ZFHX4: variants seen among roughly 807,000 people sequenced by gnomAD.
ZFHX4 encodes the protein zinc finger homeobox 4.
In ZFHX4, 56 loss-of-function variants were observed where a neutral mutation model predicts 267.6. That is an observed-to-expected ratio of 0.21 (90% CI 0.17 to 0.26). ZFHX4 has a LOEUF of 0.26. Ranked by LOEUF, ZFHX4 falls within the 10% of genes least tolerant of loss-of-function variation. The pLI is 1.00. For synonymous variants in ZFHX4, 1,778 were observed against 1,665.6 expected (o/e 1.07, Z -1.64); for missense variants, 4,332 against 4,420.0 (o/e 0.98, Z 0.56).
chr8:76,707,908 G>A lies in ZFHX4; in HGVS notation c.2953G>A (p.Glu985Lys), dbSNP rs767466455. 2 of 1,614,082 alleles carry A rather than the reference G, an allele frequency of 1.2e-6. No individual in the cohort carries two copies. The highest frequency in any genetic ancestry group is 2.2e-5 in the East Asian group (1 of 44,886). ...AHIKEGGKSN[E>K]WRLKCIAIGN... ...CATTAAAGAAGGGGGCAAAAGCAAT[G>A]AGTGGAGGTTGAAGTGTATTGCCAT... is the stretch of plus-strand genomic sequence containing the variant. The change falls in exon 3 of 11, where the codon GAG becomes AAG. Residue 985 changes from glutamate to lysine, a missense_variant. Transcript: ENST00000651372.
chr8:76,706,452 C>G lies in ZFHX4; in HGVS notation c.2364C>G (p.Ser788Arg). 1 of 1,614,080 alleles carries G rather than the reference C, an allele frequency of 6.2e-7. No individual in the cohort carries two copies. Among genetic ancestry groups the G allele is most frequent in the Non-Finnish European group, 8.5e-7 (1 of 1,179,970 alleles). The change falls in exon 2 of 11, where the codon AGC becomes AGG. Residue 788 changes from serine to arginine, a missense_variant. Physicochemically the swap from Ser to Arg is moderately radical, Grantham distance 110. Around this residue, in one of 7 missense-constraint regions of ZFHX4, gnomAD observed 1,195 missense variants for 1,173.6 expected, o/e 1.02. Transcript: ENST00000651372. The part of the protein sequence containing the change: ...VARNLRIHMT[S>R]EKHMHNMMLL... ...GGAACCTCCGAATTCATATGACCAG[C>G]GAAAAGCACATGCATAATATGATGC...
intron 3 of ZFHX4, among the ~76,000 whole-genome samples, chr8:76,716,684 C>G (rs947590766): frequency 2.0e-5 from 3 of 152,086 alleles, no homozygotes; most frequent in Admixed American, 6.5e-5. Flanking sequence ...TAAGAGCTGG[C>G]TGGTAGGTTT....
chr8:76,771,654 G>A (rs1810267058), intron 3 of ZFHX4, among the ~76,000 whole-genome samples: 1 of 151,984 alleles, frequency 6.6e-6, no homozygotes, highest in South Asian at 2.1e-4. Flanking sequence ...TGTCCAGGCT[G>A]GACTCAAACT....
In ZFHX4 at chr8:76,852,178, G is replaced by C. The variant is rs1446972442; in HGVS notation, c.5257G>C (p.Asp1753His). Residue 1753 changes from aspartate to histidine, a missense_variant, in exon 10 of 11, where the codon GAT (aspartate) becomes CAT (histidine). Transcript: ENST00000651372. ...IPGTEFSLGPDLGLPGSATFG... is the reference protein window; with the variant it reads ...IPGTEFSLGPHLGLPGSATFG... ...TGGGACGGAGTTCAGCTTGGGGCCA[G>C]ATTTGGGCTTGCCAGGCTCTGCCAC... The C allele has an allele frequency of 1.2e-6, 2 of 1,613,914 alleles. No individual in the cohort carries two copies. Among genetic ancestry groups the C allele is most frequent in the Non-Finnish European group, 1.7e-6 (2 of 1,179,862 alleles).
At chr8:76,811,533 G>A (rs557019014) in intron 4 of ZFHX4, among the ~76,000 whole-genome samples, 35 of 152,082 alleles carry the variant, frequency 2.3e-4, no homozygotes, top group African/African-American at 8.4e-4. Flanking sequence ...AATGTAATTG[G>A]GTCCTGTGGA....
chr8:76,805,003 G>A (rs1289281805), intron 4 of ZFHX4, among the ~76,000 whole-genome samples: 3 of 152,048 alleles, frequency 2.0e-5, no homozygotes, highest in East Asian at 1.9e-4. Context: ...TGATGAAAAG[G>A]CAGCCTCCAC....
intron 3 of ZFHX4, among the ~76,000 whole-genome samples, chr8:76,759,031 T>C (rs1809839703): frequency 6.6e-6 from 1 of 152,192 alleles, no homozygotes; most frequent in African/African-American, 2.4e-5. Flanking sequence ...TAAAATCATT[T>C]CCAAAATGAC....
intron 4 of ZFHX4, among the ~76,000 whole-genome samples, chr8:76,794,767 C>A (rs1263162017): frequency 6.7e-6 from 1 of 149,550 alleles, no homozygotes; most frequent in Admixed American, 6.7e-5. Context: ...TTAAAGGTAG[C>A]CGTTTTAATA....
intron 4 of ZFHX4, among the ~76,000 whole-genome samples, chr8:76,820,967 G>T (rs761917443): frequency 2.0e-5 from 3 of 151,956 alleles, no homozygotes; most frequent in Admixed American, 2.0e-4. Flanking sequence ...TGTATTGTTC[G>T]CATCCATTTT....
intron 3 of ZFHX4, among the ~76,000 whole-genome samples, chr8:76,747,451 G>A (rs909631599): frequency 6.6e-6 from 1 of 152,076 alleles, no homozygotes; most frequent in Non-Finnish European, 1.5e-5. Context: ...TTAATTCCCA[G>A]TGTCTATTGT....
intron 4 of ZFHX4, among the ~76,000 whole-genome samples, chr8:76,799,894 C>T (rs948015660): frequency 1.3e-5 from 2 of 152,182 alleles, no homozygotes; most frequent in African/African-American, 4.8e-5. Flanking sequence ...TCAGCTTTCA[C>T]TTGATCACTG....
chr8:76,799,180 T>C (rs1177629418), intron 4 of ZFHX4, among the ~76,000 whole-genome samples: 1 of 152,200 alleles, frequency 6.6e-6, no homozygotes, highest in East Asian at 1.9e-4. Context: ...TCCAGTCACA[T>C]GCTGAGATTC....
At chr8:76,752,506 A>T (rs1021876929) in intron 3 of ZFHX4, among the ~76,000 whole-genome samples, 1 of 150,440 alleles carries the variant, frequency 6.6e-6, no homozygotes, top group Admixed American at 6.6e-5. Flanking sequence ...AAAAAAAAAA[A>T]AAAGAAAAAA....
rs142025396 is a variant in ZFHX4, at chr8:76,707,334, T to C, written c.2591-212T>C. Among the ~76,000 whole-genome samples, 1,184 of 152,316 alleles carry C rather than the reference T, an allele frequency of 7.8e-3. 27 individuals are homozygous for C. Among genetic ancestry groups the C allele is most frequent in the African/African-American group, 0.027 (1,108 of 41,570 alleles). On this transcript the variant is annotated intron_variant, in intron 2 of 10. Coordinates refer to ENST00000651372, the MANE Select transcript of ZFHX4 (RefSeq NM_024721.5). The stretch of plus-strand genomic sequence containing the variant: ...AAATACAAATTTCAGAATGACATCA[T>C]GCCCAGTAGGAGTAATTAAAGCTAT...
chr8:76,702,307 G>A (rs1476959709), intron 1 of ZFHX4, among the ~76,000 whole-genome samples: 1 of 152,054 alleles, frequency 6.6e-6, no homozygotes, highest in Non-Finnish European at 1.5e-5. Context: ...ATACCAAAAC[G>A]AATTTTGAAT....
At chr8:76,714,884 G>C (rs991472615) in intron 3 of ZFHX4, among the ~76,000 whole-genome samples, 1 of 152,138 alleles carries the variant, frequency 6.6e-6, no homozygotes, top group Non-Finnish European at 1.5e-5. Flanking sequence ...CATTAAAGTT[G>C]TTCAGAGTTA....
intron 1 of ZFHX4, among the ~76,000 whole-genome samples, chr8:76,699,849 G>T (rs1401080832): frequency 1.3e-5 from 2 of 149,238 alleles, no homozygotes; most frequent in South Asian, 4.2e-4. Flanking sequence ...CCAAAGAAAA[G>T]AAGCTCTTGG....
At position 76,855,512 on chromosome 8, in the gene ZFHX4, TTC is replaced by T; in HGVS notation, c.8595_8596del (p.Leu2868HisfsTer9). 1 of 1,613,708 alleles carries T rather than the reference TTC, an allele frequency of 6.2e-7. No individual in the cohort carries two copies. Among genetic ancestry groups the T allele is most frequent in the Non-Finnish European group, 8.5e-7 (1 of 1,179,820 alleles). On this transcript the variant is annotated frameshift_variant, in exon 10 of 11. Coordinates refer to ENST00000651372, the MANE Select transcript of ZFHX4 (RefSeq NM_024721.5). LOFTEE classifies it high-confidence loss of function. ...ACCACGGAGGTCTGCGATGACAAAT[TTC>T]TCTTTTCTCTCACAAGCCCATCCAT...
At chr8:76,859,401 A>G (rs912407691) in intron 10 of ZFHX4, among the ~76,000 whole-genome samples, 27 of 152,160 alleles carry the variant, frequency 1.8e-4, no homozygotes, top group Non-Finnish European at 2.4e-4. Context: ...ATGATCATAC[A>G]TAAAAAAGGG....
Sources: allele counts gnomAD v4.1 joint callset (sites outside exome capture counted in the v4.1 genomes callset), GRCh38; gene constraint gnomAD v4.1.1; regional missense constraint gnomAD v4.1.1; transcripts MANE v1.5; gene names NCBI Gene and HGNC (gene_info 2026-07-23, HGNC 2026-07-21).